Variants in LRGUK observed in about 807,000 individuals in gnomAD.
LRGUK encodes the protein leucine rich repeats and guanylate kinase domain containing, also known as leucine-rich repeat and guanylate kinase domain-containing protein.
In LRGUK, 65 loss-of-function variants were observed where a neutral mutation model predicts 76.0. The ratio of observed to expected loss-of-function variants is 0.85; its 90% CI spans 0.70 to 1.05. LRGUK has a LOEUF of 1.05. Ranked by LOEUF, LRGUK falls within the 50% of genes least tolerant of loss-of-function variation. The pLI is 0.00. For synonymous variants in LRGUK, 268 were observed against 265.6 expected, an observed-to-expected ratio of 1.01 and a Z score of -0.09; for missense variants, 758 against 732.8, an observed-to-expected ratio of 1.03 and a Z score of -0.40.
chr7:134,216,913 G>C (rs1283003112), intron 15 of LRGUK, among the ~76,000 whole-genome samples: 1 of 152,092 alleles, frequency 6.6e-6, no homozygotes, highest in Non-Finnish European at 1.5e-5. Context: ...TCATGCTTAG[G>C]GTGTGGGATT....
At chr7:134,166,019 T>TC (rs1489956708) in intron 7 of LRGUK, among the ~76,000 whole-genome samples, 2 of 151,860 alleles carry the variant, frequency 1.3e-5, no homozygotes, top group Non-Finnish European at 2.9e-5. Context: ...ATTCCCCGAC[T>TC]CCCCCTGGGC....
chr7:134,128,241 C>G (rs1044513904), intron 1 of LRGUK, among the ~76,000 whole-genome samples: 3 of 152,154 alleles, frequency 2.0e-5, no homozygotes, highest in Admixed American at 6.5e-5. Context: ...CAGAAAAGAG[C>G]CTTATAATGT....
At chr7:134,156,539 A>G (rs56029115) in intron 5 of LRGUK, among the ~76,000 whole-genome samples, 19,686 of 152,210 alleles carry the variant, frequency 0.13, 1,610 homozygotes, top group East Asian at 0.32. Context: ...GAAAGGAGCA[A>G]GAAAAAGAAA....
intron 4 of LRGUK, among the ~76,000 whole-genome samples, chr7:134,147,651 TG>T (rs954013155): frequency 1.1e-4 from 17 of 151,964 alleles, no homozygotes; most frequent in Non-Finnish European, 2.4e-4. Flanking sequence ...ATGCTAAAAG[TG>T]GAGAGCGTGG....
At chr7:134,255,194 G>A (rs184022300) in intron 18 of LRGUK, among the ~76,000 whole-genome samples, 5 of 150,272 alleles carry the variant, frequency 3.3e-5, no homozygotes, top group Admixed American at 6.7e-5. Flanking sequence ...GCCAGTTTCC[G>A]TTCTGGGAAT....
At chr7:134,142,082 C>T (rs1416265004) in intron 3 of LRGUK, among the ~76,000 whole-genome samples, 2 of 152,148 alleles carry the variant, frequency 1.3e-5, no homozygotes, top group Non-Finnish European at 2.9e-5. Flanking sequence ...GTGTCTGTGC[C>T]ACTTGGAGAA....
At chr7:134,145,998 C>G (rs1302089865) in intron 4 of LRGUK, among the ~76,000 whole-genome samples, 4 of 152,176 alleles carry the variant, frequency 2.6e-5, no homozygotes, top group Admixed American at 2.0e-4. Flanking sequence ...CCTGGCTGGG[C>G]ACAGTGGCTG....
intron 15 of LRGUK, among the ~76,000 whole-genome samples, chr7:134,204,999 G>T (rs922642271): frequency 6.6e-6 from 1 of 152,202 alleles, no homozygotes. Flanking sequence ...AGATGGCAAG[G>T]ACCCAAAGAG....
intron 5 of LRGUK, among the ~76,000 whole-genome samples, chr7:134,150,494 A>AG (rs1798174335): frequency 6.6e-6 from 1 of 151,150 alleles, no homozygotes; most frequent in Non-Finnish European, 1.5e-5. Flanking sequence ...AAAAAAAAAA[A>AG]AGAAAAAGAA....
intron 14 of LRGUK, 134 bp downstream of exon 14, chr7:134,199,555 G>A (rs971551621): frequency 1.7e-5 from 12 of 692,728 alleles, no homozygotes; most frequent in African/African-American, 5.4e-5. Flanking sequence ...TGCGAAAAGG[G>A]GTAAGAATCC....
intron 1 of LRGUK, among the ~76,000 whole-genome samples, chr7:134,131,613 A>G (rs1387262980): frequency 6.6e-6 from 1 of 152,156 alleles, no homozygotes; most frequent in Non-Finnish European, 1.5e-5. Flanking sequence ...ATGTTGTAGG[A>G]ATATGGACTT....
chr7:134,209,357 G>T, exon 16 of LRGUK: 1 of 399,062 alleles, frequency 2.5e-6, no homozygotes, highest in South Asian at 1.3e-4. Flanking sequence ...TTCCCACACT[G>T]ACTTGGTGCA....
rs1260820739 is a variant in LRGUK, at chr7:134,225,116, A to T, written c.1983+3198A>T. On this transcript the variant is annotated intron_variant, in intron 16 of 19. Coordinates refer to the LRGUK transcript ENST00000285928. ...GGTACTAAGGGCTGGGGACAGGGGA[A>T]CAGAACTGGAAAAAAAAAAAAAAAA... Among the ~76,000 whole-genome samples, 4 of 145,396 alleles carry T rather than the reference A, an allele frequency of 2.8e-5. No individual in the cohort carries two copies. The South Asian group carries it at 9.2e-4, about 34-fold the overall frequency.
At chr7:134,272,256 CACTT>C in the LRGUK span, among the ~76,000 whole-genome samples, 1 of 152,122 alleles carries the variant, frequency 6.6e-6, no homozygotes, top group African/African-American at 2.4e-5. Context: ...AGGGTACAAA[CACTT>C]GCAGTATGTA....
chr7:134,162,826 CAA>C (rs11445116), intron 6 of LRGUK, among the ~76,000 whole-genome samples: 7,544 of 60,416 alleles, frequency 0.12, 203 homozygotes, highest in East Asian at 0.37. Context: ...GACTCCTTCT[CAA>C]AAAAAAAAAA....
chr7:134,205,861 T>G (rs1164648316), intron 15 of LRGUK, among the ~76,000 whole-genome samples: 1 of 152,230 alleles, frequency 6.6e-6, no homozygotes, highest in African/African-American at 2.4e-5. Context: ...CAAACAGAAA[T>G]CTTATGACCA....
intron 18 of LRGUK, among the ~76,000 whole-genome samples, chr7:134,255,601 T>C (rs1273155086): frequency 1.3e-5 from 2 of 152,214 alleles, no homozygotes; most frequent in Non-Finnish European, 2.9e-5. Flanking sequence ...CTTCCCAAAC[T>C]ACCTCTTATT....
intron 12 of LRGUK, 94 bp downstream of exon 12, chr7:134,191,845 T>A: frequency 2.2e-6 from 2 of 897,758 alleles, no homozygotes; most frequent in South Asian, 1.9e-5. Context: ...AAGGAAGAAT[T>A]AAATTTTGTG....
At chr7:134,178,331 G>A (rs929476383) in intron 9 of LRGUK, among the ~76,000 whole-genome samples, 172 bp from the exon 10 acceptor site, 4 of 151,964 alleles carry the variant, frequency 2.6e-5, no homozygotes, top group Non-Finnish European at 5.9e-5. Context: ...TTAAATTTTA[G>A]GAAAATTAGA....
Sources: gnomAD v4.1 joint callset for allele counts (sites outside exome capture counted in the v4.1 genomes callset) on GRCh38, gnomAD v4.1.1 for gene constraint, MANE v1.5 for transcripts, NCBI Gene and HGNC (gene_info 2026-07-23, HGNC 2026-07-21) for gene names.